Variants in PRKCE observed in about 807,000 individuals in gnomAD.
PRKCE encodes the protein protein kinase C epsilon type.
Under a neutral mutation model 85.4 loss-of-function variants are expected in PRKCE, and 16 were observed. The ratio of observed to expected loss-of-function variants is 0.19; its 90% CI spans 0.13 to 0.28. The LOEUF (loss-of-function observed/expected upper bound fraction) is 0.28, where lower values mean the gene tolerates loss of function less well. PRKCE is among the 10% of genes least tolerant of loss of function. PRKCE has a pLI of 1.00. For missense variants in PRKCE, 573 were observed against 975.2 expected (o/e 0.59, Z 5.49); for synonymous variants, 388 against 371.5 (o/e 1.04, Z -0.51).
chr2:46,114,315 A>AT (rs1672549165), intron 11 of PRKCE, among the ~76,000 whole-genome samples: 1 of 141,190 alleles, frequency 7.1e-6, no homozygotes, highest in Non-Finnish European at 1.5e-5. Context: ...TTTGTGGATG[A>AT]TTTTTCTGAG....
chr2:46,044,794 G>A (rs933143170), intron 10 of PRKCE, among the ~76,000 whole-genome samples: 2 of 152,164 alleles, frequency 1.3e-5, no homozygotes, highest in African/African-American at 4.8e-5. Flanking sequence ...CTCTGGATGA[G>A]CCCAGTATTG....
chr2:46,109,750 G>C lies in PRKCE; in HGVS notation c.1592+23388G>C, dbSNP rs568974078. Reference sequence around the variant, plus strand: ...CTCCAGTACAATGTTGAATAGGAATGGGGGGAGAGGACCTTCTTGTCTGTT... The same window carrying C: ...CTCCAGTACAATGTTGAATAGGAATCGGGGGAGAGGACCTTCTTGTCTGTT... On this transcript the variant is annotated intron_variant, in intron 11 of 14. Coordinates refer to ENST00000306156, the MANE Select transcript of PRKCE (RefSeq NM_005400.3). Among the ~76,000 whole-genome samples, 29 of 152,144 alleles carry C rather than the reference G, an allele frequency of 1.9e-4. 1 individual carries two copies. Among genetic ancestry groups the C allele is most frequent in the African/African-American group, 6.3e-4 (26 of 41,532 alleles).
At chr2:45,932,664 T>G (rs1699128049) in intron 2 of PRKCE, among the ~76,000 whole-genome samples, 1 of 152,244 alleles carries the variant, frequency 6.6e-6, no homozygotes, top group African/African-American at 2.4e-5. Context: ...ATTTACCATT[T>G]TAAGTGTATT....
intron 14 of PRKCE, among the ~76,000 whole-genome samples, chr2:46,183,052 C>A (rs565879362): frequency 1.3e-5 from 2 of 152,284 alleles, no homozygotes; most frequent in African/African-American, 4.8e-5. Context: ...AGGATGTTAC[C>A]AGCCTGTTCT....
At chr2:45,798,868 T>C (rs1687639445) in intron 1 of PRKCE, among the ~76,000 whole-genome samples, 1 of 152,078 alleles carries the variant, frequency 6.6e-6, no homozygotes, top group African/African-American at 2.4e-5. Context: ...GTTTTCTGTT[T>C]TTTAAAATGT....
At chr2:46,105,320 T>C (rs1671611032) in intron 11 of PRKCE, among the ~76,000 whole-genome samples, 1 of 152,278 alleles carries the variant, frequency 6.6e-6, no homozygotes, top group African/African-American at 2.4e-5. Flanking sequence ...GGCTTTCTTA[T>C]AGCAACCCTG....
At chr2:45,777,558 T>C (rs528781307) in intron 1 of PRKCE, among the ~76,000 whole-genome samples, 31 of 152,194 alleles carry the variant, frequency 2.0e-4, no homozygotes, top group Non-Finnish European at 4.4e-4. Context: ...TTGTCCCTAT[T>C]ATGTGCCAGA....
intron 11 of PRKCE, among the ~76,000 whole-genome samples, chr2:46,113,680 G>A (rs1672479051): frequency 6.6e-6 from 1 of 152,194 alleles, no homozygotes; most frequent in South Asian, 2.1e-4. Context: ...AGTGGGAAGG[G>A]GGATGTGCTA....
intron 1 of PRKCE, among the ~76,000 whole-genome samples, chr2:45,659,426 T>C (rs780703880): frequency 2.6e-5 from 4 of 152,216 alleles, no homozygotes; most frequent in Admixed American, 6.5e-5. Flanking sequence ...GTCACTATTA[T>C]CTCACACCTG....
chr2:46,144,957 G>C, intron 11 of PRKCE, 136 bp from the exon 12 acceptor site: 2 of 1,298,084 alleles, frequency 1.5e-6, no homozygotes, highest in Non-Finnish European at 2.1e-6. Flanking sequence ...GGACTGAGAT[G>C]GGTTTCAAGA....
intron 10 of PRKCE, among the ~76,000 whole-genome samples, chr2:46,061,104 C>CTTTTTT (rs565280374): frequency 5.8e-5 from 6 of 103,494 alleles, no homozygotes; most frequent in African/African-American, 8.0e-5. Context: ...CTTTTTTTTC[C>CTTTTTT]TTTTTTTTTT....
intron 11 of PRKCE, among the ~76,000 whole-genome samples, chr2:46,087,700 A>G (rs1173863552): frequency 2.6e-5 from 4 of 152,122 alleles, no homozygotes; most frequent in Admixed American, 6.5e-5. Flanking sequence ...CACAGTTTCC[A>G]TTGGGTCAGG....
chr2:45,866,785 A>T (rs1234336461), intron 2 of PRKCE, among the ~76,000 whole-genome samples: 1 of 152,216 alleles, frequency 6.6e-6, no homozygotes, highest in Non-Finnish European at 1.5e-5. Flanking sequence ...ACATGCGTCC[A>T]GGGGCTGCCA....
At chr2:45,804,789 T>G (rs1259337365) in intron 1 of PRKCE, among the ~76,000 whole-genome samples, 1 of 152,156 alleles carries the variant, frequency 6.6e-6, no homozygotes, top group East Asian at 1.9e-4. Context: ...GCAGTGTTGA[T>G]GTATGGATGT....
chr2:45,986,482 G>T (rs905489134), intron 6 of PRKCE, among the ~76,000 whole-genome samples: 3 of 152,186 alleles, frequency 2.0e-5, no homozygotes, highest in African/African-American at 7.2e-5. Flanking sequence ...TGGAGGGCAA[G>T]CCTGGCTACC....
At chr2:46,114,518 C>T (rs562507227) in intron 11 of PRKCE, among the ~76,000 whole-genome samples, 6 of 150,094 alleles carry the variant, frequency 4.0e-5, no homozygotes, top group Admixed American at 1.3e-4. Flanking sequence ...CCCAGGTTCA[C>T]GCCATTCTCC....
At chr2:45,792,417 G>A (rs772637502) in intron 1 of PRKCE, among the ~76,000 whole-genome samples, 8 of 152,162 alleles carry the variant, frequency 5.3e-5, no homozygotes, top group African/African-American at 9.7e-5. Context: ...CATAGCATAC[G>A]ATGAGTGCTC....
intron 1 of PRKCE, among the ~76,000 whole-genome samples, chr2:45,658,326 C>T (rs1031260840): frequency 6.6e-6 from 1 of 152,230 alleles, no homozygotes; most frequent in African/African-American, 2.4e-5. Flanking sequence ...CACAGACAAC[C>T]TCTTGGCATT....
chr2:45,877,299 T>G (rs999254951), intron 2 of PRKCE, among the ~76,000 whole-genome samples: 1 of 152,176 alleles, frequency 6.6e-6, no homozygotes, highest in Non-Finnish European at 1.5e-5. Context: ...CATATTTAGG[T>G]ATGGCTTCTT....
Sources: gnomAD v4.1 joint callset for allele counts (sites outside exome capture counted in the v4.1 genomes callset) on GRCh38, gnomAD v4.1.1 for gene constraint, MANE v1.5 for transcripts, NCBI Gene and HGNC (gene_info 2026-07-23, HGNC 2026-07-21) for gene names.